The following CHCHD3 variants were observed in gnomAD, a reference collection of about 807,000 sequenced individuals.
CHCHD3 encodes the protein MICOS complex subunit MIC19.
In CHCHD3, 20 loss-of-function variants were observed where a neutral mutation model predicts 38.2. The observed-to-expected ratio is 0.52, with a 90% confidence interval of 0.37 to 0.76. CHCHD3 has a LOEUF of 0.76. Among genes scored for constraint, CHCHD3 ranks in the 30% least tolerant of loss-of-function variants. The pLI is 0.00. For synonymous variants in CHCHD3, 82 were observed against 100.0 expected (o/e 0.82, Z 1.07); for missense variants, 245 against 279.2 (o/e 0.88, Z 0.87).
chr7:132,975,050 C>T, intron 4 of CHCHD3, 119 bp downstream of exon 4: 1 of 802,172 alleles, frequency 1.2e-6, no homozygotes, highest in Non-Finnish European at 2.0e-6. Context: ...AAAATCTGAG[C>T]AAAGAGAACA....
intron 4 of CHCHD3, among the ~76,000 whole-genome samples, chr7:132,932,771 C>T (rs1347736135): frequency 6.6e-6 from 1 of 152,138 alleles, no homozygotes; most frequent in Non-Finnish European, 1.5e-5. Context: ...TCAATTTTTC[C>T]ACCTGAGCTC....
chr7:132,933,009 C>G (rs909882194), intron 4 of CHCHD3, among the ~76,000 whole-genome samples: 1 of 152,094 alleles, frequency 6.6e-6, no homozygotes, highest in African/African-American at 2.4e-5. Flanking sequence ...AAAAAGACCG[C>G]CCAGAGTATG....
At chr7:133,017,191 G>C (rs1230428664) in intron 3 of CHCHD3, among the ~76,000 whole-genome samples, 2 of 152,088 alleles carry the variant, frequency 1.3e-5, no homozygotes, top group Non-Finnish European at 2.9e-5. Flanking sequence ...CTTTACTTTG[G>C]GTTCCATGTT....
chr7:132,982,772 T>TTTTTAA (rs1811951571), intron 3 of CHCHD3, among the ~76,000 whole-genome samples: 1 of 152,144 alleles, frequency 6.6e-6, no homozygotes, highest in African/African-American at 2.4e-5. Flanking sequence ...AATTGAGGCC[T>TTTTTAA]ACAGAACTTT....
chr7:132,961,584 C>T (rs776335427), intron 4 of CHCHD3, among the ~76,000 whole-genome samples: 3 of 152,210 alleles, frequency 2.0e-5, no homozygotes, highest in Non-Finnish European at 4.4e-5. Flanking sequence ...TCATCTCACA[C>T]CTGTGCGTGT....
chr7:132,958,965 T>C (rs1384465454), intron 4 of CHCHD3, among the ~76,000 whole-genome samples: 2 of 152,198 alleles, frequency 1.3e-5, no homozygotes, highest in African/African-American at 4.8e-5. Flanking sequence ...AGCATCTTTT[T>C]TGCCCGGGCA....
chr7:133,029,097 T>C (rs1262831456), intron 2 of CHCHD3, among the ~76,000 whole-genome samples: 1 of 152,048 alleles, frequency 6.6e-6, no homozygotes, highest in Non-Finnish European at 1.5e-5. Flanking sequence ...AATTACCCAG[T>C]TTTACGTATT....
At chr7:132,894,570 ACTC>A (rs1809446734) in intron 4 of CHCHD3, among the ~76,000 whole-genome samples, 1 of 151,316 alleles carries the variant, frequency 6.6e-6, no homozygotes, top group Admixed American at 6.6e-5. Context: ...CTTACCCACT[ACTC>A]CTCTCCTTAA....
At chr7:132,990,931 C>G (rs1186077238) in intron 3 of CHCHD3, among the ~76,000 whole-genome samples, 1 of 145,440 alleles carries the variant, frequency 6.9e-6, no homozygotes, top group Non-Finnish European at 1.5e-5. Context: ...GGCCTTTCTG[C>G]TCCCCTACAC....
chr7:132,796,620 T>C lies in CHCHD3; in HGVS notation c.525-43A>G, dbSNP rs1431299414. The C allele has an allele frequency of 5.1e-6, 8 of 1,575,282 alleles. No homozygotes were observed. In the South Asian group the frequency reaches 9.1e-5, roughly 18 times the overall value. On this transcript the variant is annotated intron_variant, in intron 6 of 7. Transcript: ENST00000262570. The stretch of plus-strand genomic sequence containing the variant: ...GACCGCTGAGACCAATGGTCTTCAT[T>C]CAGAATAAAAATCAAGGTTAAAGAA...
chr7:133,080,911 T>C (rs1406460069), intron 1 of CHCHD3, among the ~76,000 whole-genome samples: 1 of 152,094 alleles, frequency 6.6e-6, no homozygotes, highest in East Asian at 1.9e-4. Flanking sequence ...AAAAAATATA[T>C]AAATTATTAT....
At chr7:132,918,028 G>C (rs1008498996) in intron 4 of CHCHD3, among the ~76,000 whole-genome samples, 2 of 152,028 alleles carry the variant, frequency 1.3e-5, no homozygotes. Flanking sequence ...GGGACAACAC[G>C]GTGAAGATTT....
At chr7:133,038,400 C>G (rs928827742) in intron 2 of CHCHD3, among the ~76,000 whole-genome samples, 13 of 152,158 alleles carry the variant, frequency 8.5e-5, no homozygotes, top group African/African-American at 3.1e-4. Flanking sequence ...AAGAGTTCCT[C>G]TGTAATTGAA....
At chr7:132,849,290 C>T (rs959289029) in intron 5 of CHCHD3, 8 of 152,122 alleles carry the variant, frequency 5.3e-5, no homozygotes, top group East Asian at 1.9e-4. Flanking sequence ...AATCATCAAG[C>T]GGATGGATTC....
intron 1 of CHCHD3, among the ~76,000 whole-genome samples, chr7:133,076,422 C>T (rs1814992822): frequency 6.6e-6 from 1 of 152,130 alleles, no homozygotes; most frequent in South Asian, 2.1e-4. Context: ...CTAAAAGAGC[C>T]ACCATTCTAA....
In CHCHD3 at chr7:132,918,867, C is replaced by T. The variant is rs570842942; in HGVS notation, c.370-33122G>A. On this transcript the variant is annotated intron_variant, in intron 4 of 7. Transcript: ENST00000262570. ...TGGCAAATAGGTGAATAAGCAAGCACAACTGACTTGGTAAGCAGCTGACTT... is the reference window on the plus strand; with the variant it reads ...TGGCAAATAGGTGAATAAGCAAGCATAACTGACTTGGTAAGCAGCTGACTT... Among the ~76,000 whole-genome samples, 26 of 152,204 alleles carry T rather than the reference C, an allele frequency of 1.7e-4. No homozygotes were observed. In the South Asian group the frequency reaches 5.0e-3, roughly 29 times the overall value.
intron 2 of CHCHD3, among the ~76,000 whole-genome samples, chr7:133,068,589 A>G (rs182172732): frequency 3.7e-4 from 57 of 152,364 alleles, no homozygotes; most frequent in African/African-American, 1.3e-3. Context: ...CTGTGTGCAC[A>G]GCACAGGGGG....
intron 4 of CHCHD3, among the ~76,000 whole-genome samples, chr7:132,898,770 C>T (rs1403768287): frequency 6.6e-6 from 1 of 152,238 alleles, no homozygotes; most frequent in East Asian, 1.9e-4. Context: ...CAGCTAAGGC[C>T]CGGCGAGAAA....
At chr7:132,886,504 T>C (rs1024889576) in intron 4 of CHCHD3, among the ~76,000 whole-genome samples, 2 of 151,772 alleles carry the variant, frequency 1.3e-5, no homozygotes, top group African/African-American at 4.8e-5. Context: ...TTATGTTTAA[T>C]TGGCCTTTAT....
Sources: allele counts gnomAD v4.1 joint callset (sites outside exome capture counted in the v4.1 genomes callset), GRCh38; gene constraint gnomAD v4.1.1; transcripts MANE v1.5; gene names NCBI Gene and HGNC (gene_info 2026-07-23, HGNC 2026-07-21).